The following RIT2 variants were observed in gnomAD, a reference collection of about 807,000 sequenced individuals.
The protein encoded by RIT2 is GTP-binding protein Rit2.
A neutral mutation model predicts 23.7 loss-of-function variants in RIT2; 24 were observed. The ratio of observed to expected loss-of-function variants is 1.01; its 90% CI spans 0.73 to 1.43. RIT2 has a LOEUF of 1.43. Ranked by LOEUF, RIT2 falls within the 40% of genes most tolerant of loss-of-function variation. The pLI is 0.00. For synonymous variants in RIT2, 107 were observed against 91.1 expected (o/e 1.17, Z -0.99); for missense variants, 236 against 266.9 (o/e 0.88, Z 0.81).
chr18:42,904,766 A>G (rs566017019), intron 4 of RIT2, among the ~76,000 whole-genome samples: 1 of 152,274 alleles, frequency 6.6e-6, no homozygotes, highest in East Asian at 1.9e-4. Context: ...TTCATACACA[A>G]AAGGCAGATA....
chr18:43,054,495 A>G (rs1248893458), intron 1 of RIT2, among the ~76,000 whole-genome samples: 1 of 152,076 alleles, frequency 6.6e-6, no homozygotes, highest in African/African-American at 2.4e-5. Context: ...ATTGAAGCAT[A>G]ATTACACACC....
At chr18:42,901,938 A>T (rs574368459) in intron 4 of RIT2, among the ~76,000 whole-genome samples, 2 of 152,064 alleles carry the variant, frequency 1.3e-5, no homozygotes, top group South Asian at 2.1e-4. Flanking sequence ...TAACCAAAAC[A>T]TGTTTATTGC....
chr18:42,904,924 A>T (rs1179438631), intron 4 of RIT2, among the ~76,000 whole-genome samples: 1 of 152,190 alleles, frequency 6.6e-6, no homozygotes, highest in Non-Finnish European at 1.5e-5. Flanking sequence ...TAGCTGGATG[A>T]GCAAAAACTG....
chr18:42,877,137 C>T (rs1243051916), intron 4 of RIT2, among the ~76,000 whole-genome samples: 1 of 151,516 alleles, frequency 6.6e-6, no homozygotes, highest in Non-Finnish European at 1.5e-5. Flanking sequence ...ATTTTTGAAA[C>T]TAAAGAAGAA....
intron 2 of RIT2, among the ~76,000 whole-genome samples, chr18:42,999,558 T>C (rs1295670004): frequency 6.6e-6 from 1 of 151,492 alleles, no homozygotes; most frequent in Non-Finnish European, 1.5e-5. Flanking sequence ...GAAAAAGGAG[T>C]CAAACAATCC....
At chr18:42,790,901 A>G (rs1364380606) in intron 4 of RIT2, among the ~76,000 whole-genome samples, 4 of 152,184 alleles carry the variant, frequency 2.6e-5, no homozygotes, top group African/African-American at 7.2e-5. Context: ...GTCTGGCTCA[A>G]CCTTCCCAGT....
chr18:43,036,974 C>T (rs1426584529), intron 1 of RIT2, among the ~76,000 whole-genome samples: 1 of 152,190 alleles, frequency 6.6e-6, no homozygotes, highest in Non-Finnish European at 1.5e-5. Flanking sequence ...TTATGTTACA[C>T]AGTTTTATAT....
At chr18:42,902,191 C>T (rs1269082559) in intron 4 of RIT2, among the ~76,000 whole-genome samples, 3 of 151,494 alleles carry the variant, frequency 2.0e-5, no homozygotes, top group Admixed American at 6.6e-5. Flanking sequence ...TGATTAATGT[C>T]AAAAGGTATG....
chr18:42,942,923 G>T (rs1367661673), intron 3 of RIT2, among the ~76,000 whole-genome samples: 1 of 152,196 alleles, frequency 6.6e-6, no homozygotes, highest in Admixed American at 6.5e-5. Flanking sequence ...ACTGCATGGT[G>T]CTAGTGTGTC....
intron 2 of RIT2, among the ~76,000 whole-genome samples, chr18:43,022,147 T>C (rs1911612867): frequency 6.6e-6 from 1 of 152,146 alleles, no homozygotes. Context: ...AATCCTGGCA[T>C]GTGCCACAAC....
At chr18:42,988,953 A>T (rs10853500) in intron 2 of RIT2, among the ~76,000 whole-genome samples, 145,177 of 152,256 alleles carry the variant, frequency 0.95, 69,579 homozygotes, top group East Asian at 1. Context: ...GTTCATTCTG[A>T]TTTCTCCTCA....
At chr18:42,829,376 C>G (rs987569674) in intron 4 of RIT2, among the ~76,000 whole-genome samples, 1 of 152,136 alleles carries the variant, frequency 6.6e-6, no homozygotes, top group Admixed American at 6.6e-5. Context: ...GATAGTATGA[C>G]ACACCAGAAA....
intron 2 of RIT2, among the ~76,000 whole-genome samples, chr18:42,980,386 C>T (rs934588648): frequency 3.3e-5 from 5 of 152,132 alleles, no homozygotes; most frequent in African/African-American, 1.2e-4. Flanking sequence ...TGAAATCTTT[C>T]CCCCAGAAAT....
At chr18:43,020,312 CT>C (rs1555652524) in intron 2 of RIT2, among the ~76,000 whole-genome samples, 1 of 151,940 alleles carries the variant, frequency 6.6e-6, no homozygotes, top group Non-Finnish European at 1.5e-5. Context: ...TGGTGAAACC[CT>C]CTGTCAACTA....
chr18:42,919,811 T>C (rs1387588929), intron 4 of RIT2, among the ~76,000 whole-genome samples: 1 of 152,104 alleles, frequency 6.6e-6, no homozygotes, highest in African/African-American at 2.4e-5. Context: ...GCTTCTACTT[T>C]GCACAGCCGG....
intron 3 of RIT2, among the ~76,000 whole-genome samples, chr18:42,940,614 G>GA (rs1568035627): frequency 6.6e-6 from 1 of 151,840 alleles, no homozygotes; most frequent in African/African-American, 2.4e-5. Flanking sequence ...TTAAGTGAAT[G>GA]AAAAAACACA....
At chr18:43,002,786 A>AT (rs1276802981) in intron 2 of RIT2, among the ~76,000 whole-genome samples, 1 of 151,978 alleles carries the variant, frequency 6.6e-6, no homozygotes, top group Non-Finnish European at 1.5e-5. Flanking sequence ...CTAGGAGTAC[A>AT]TTACATTACA....
chr18:42,989,222 G>C (rs984153907), intron 2 of RIT2, among the ~76,000 whole-genome samples: 8 of 152,074 alleles, frequency 5.3e-5, no homozygotes, highest in African/African-American at 1.9e-4. Context: ...CAATGAATGG[G>C]CTACCTTAAA....
intron 1 of RIT2, among the ~76,000 whole-genome samples, chr18:43,070,938 A>G (rs1489118975): frequency 6.6e-6 from 1 of 152,196 alleles, no homozygotes; most frequent in Non-Finnish European, 1.5e-5. Flanking sequence ...ACCTTGTAAA[A>G]AAGCTGGTAA....
Sources: allele counts gnomAD v4.1 joint callset (sites outside exome capture counted in the v4.1 genomes callset), GRCh38; gene constraint gnomAD v4.1.1; transcripts MANE v1.5; gene names NCBI Gene and HGNC (gene_info 2026-07-23, HGNC 2026-07-21).